SLC8A2: variants seen among roughly 807,000 people sequenced by gnomAD.
SLC8A2 encodes the protein sodium/calcium exchanger 2.
A neutral mutation model predicts 70.2 loss-of-function variants in SLC8A2; 14 were observed. The ratio of observed to expected loss-of-function variants is 0.20; its 90% confidence interval spans 0.13 to 0.31. SLC8A2 has a LOEUF of 0.31. Ranked by LOEUF, SLC8A2 falls within the 10% of genes least tolerant of loss-of-function variation. The pLI is 1.00. For missense variants in SLC8A2, 779 were observed against 1,320.1 expected, an observed-to-expected ratio of 0.59 and a Z score of 6.35; for synonymous variants, 575 against 594.3, an observed-to-expected ratio of 0.97 and a Z score of 0.47.
rs1009658654 is a variant in SLC8A2 at position 47,447,418 on chromosome 19, G to C, written c.1763+391C>G. Reference sequence around the variant, plus strand: ...CTCACCTCGTCCCCCCTTCCTCCTTGGGGCCCTCTTCTCACCTGTCCGGCC... The same window carrying C: ...CTCACCTCGTCCCCCCTTCCTCCTTCGGGCCCTCTTCTCACCTGTCCGGCC... On this transcript the variant is annotated intron_variant, in intron 4 of 9. Transcript: ENST00000236877. This position sits in a 1 kb window ranked among gnomAD's most constrained non-coding sequence, Gnocchi z 5.1. 7.9e-6 allele frequency: 2 copies of C among 252,682 alleles called. No homozygotes were observed. The highest frequency in any genetic ancestry group is 1.1e-4 in the Admixed American group (2 of 18,156). The allele number at this position is 252,682 out of a possible 1,614,324, so 15.7% of individuals were successfully genotyped here.
At chr19:47,445,994 G>A (rs1967156933) in intron 4 of SLC8A2, among the ~76,000 whole-genome samples, 1 of 152,182 alleles carries the variant, frequency 6.6e-6, no homozygotes, top group South Asian at 2.1e-4. Context: ...CGAGGTGCTG[G>A]GGACAGACAG....
In SLC8A2 at chr19:47,457,133, C is replaced by A. The variant is rs771358832; in HGVS notation, c.1137G>T (p.Ala379=). ...RRHAADASRR[A]APAEGAGEDE... ...CCTCGCCCGCGCCCTCGGCCGGCGC[C>A]GCCCTGCGCGAGGCGTCCGCCGCGT... Residue 379 remains alanine (A), a synonymous_variant, in exon 3 of 10, where the codon GCG becomes GCT. Transcript: ENST00000236877. 5 of 1,543,260 alleles carry A rather than the reference C, an allele frequency of 3.2e-6. No individual in the cohort carries two copies. In the African/African-American group the frequency reaches 5.5e-5, roughly 17 times the overall value.
intron 3 of SLC8A2, among the ~76,000 whole-genome samples, chr19:47,450,575 A>G (rs1157553881): frequency 6.6e-6 from 1 of 152,116 alleles, no homozygotes; most frequent in Non-Finnish European, 1.5e-5. Context: ...TGTGGGAGGA[A>G]GAGAGGGACC....
rs140353412 is a variant in SLC8A2 at position 47,453,617 on chromosome 19, C to G, written c.1340+3313G>C. On this transcript the variant is annotated intron_variant, in intron 3 of 9. Coordinates refer to ENST00000236877, the MANE Select transcript of SLC8A2 (RefSeq NM_015063.3). ...CTCCTTCACTTCAAACATCTTGGTC[C>G]TGGCCAGGTGCAGTGGCTCACACCT... is the stretch of plus-strand genomic sequence containing the variant. 6.0e-3 allele frequency among the ~76,000 whole-genome samples: 909 copies of G among 152,268 alleles called. 12 individuals carry two copies. Among genetic ancestry groups the G allele is most frequent in the African/African-American group, 0.021 (866 of 41,542 alleles).
At chr19:47,469,423 G>A (rs952137492) in intron 1 of SLC8A2, among the ~76,000 whole-genome samples, 9 of 152,080 alleles carry the variant, frequency 5.9e-5, no homozygotes, top group Admixed American at 2.6e-4. Context: ...AGGAAGCCTC[G>A]GCCTGGGAAG....
At position 47,447,885 on chromosome 19, in the gene SLC8A2, C is replaced by T. The variant is rs561832763; in HGVS notation, c.1687G>A (p.Asp563Asn). The change falls in exon 4 of 10, where the codon GAC (aspartate) becomes AAC (asparagine). Residue 563 changes from aspartate to asparagine, a missense_variant. This residue lies in a region of SLC8A2 where 247 missense variants were observed against 362.8 expected (regional missense o/e 0.68). Transcript: ENST00000236877. This position sits in a 1 kb window ranked among gnomAD's most constrained non-coding sequence, Gnocchi z 5.1. ...GTVRLPYRTV[D>N]GTARGGGVHY... ...ACGCCGCCGCCGCGCGCCGTGCCGT[C>T]CACCGTGCGGTAGGGAAGGCGCACG... 6.3e-7 allele frequency: 1 copy of T among 1,592,456 alleles called. No homozygotes were observed. The highest frequency in any genetic ancestry group is 2.3e-5 in the East Asian group (1 of 43,188).
chr19:47,441,389 A>G lies in SLC8A2; in HGVS notation c.1815T>C (p.Asp605=). Residue 605 remains aspartate (D), a synonymous_variant, in exon 5 of 10, where the codon GAT becomes GAC. Coordinates refer to ENST00000236877, the MANE Select transcript of SLC8A2 (RefSeq NM_015063.3). ...GCTGGCCCAGCTCAATGAAGAAATT[A>G]TCCTTTTTCTCATATTCCTCGTCAT... ...IVDDEEYEKK[D]NFFIELGQPQ... is the part of the protein sequence containing the mutation. 1 of 1,613,902 alleles carries G rather than the reference A, an allele frequency of 6.2e-7. No homozygotes were observed. Among genetic ancestry groups the G allele is most frequent in the Non-Finnish European group, 8.5e-7 (1 of 1,179,852 alleles).
intron 1 of SLC8A2, among the ~76,000 whole-genome samples, chr19:47,471,503 AG>A (rs1162531145): frequency 7.1e-5 from 3 of 42,066 alleles, no homozygotes; most frequent in East Asian, 5.8e-4. Flanking sequence ...AGAGAGCGCG[AG>A]GGGGGGTGCC....
intron 3 of SLC8A2, among the ~76,000 whole-genome samples, chr19:47,452,397 GGAGAGAGAGAGAGAGAGA>G (rs56184564): frequency 0.033 from 2,146 of 65,410 alleles, 61 homozygotes; most frequent in East Asian, 0.068. Flanking sequence ...ATATATATAT[GGAGAGAGAGAGAGAGAGA>G]GAGAGAGAGA....
intron 6 of SLC8A2, among the ~76,000 whole-genome samples, chr19:47,438,912 G>A (rs1278302397): frequency 6.6e-6 from 1 of 152,098 alleles, no homozygotes; most frequent in South Asian, 2.1e-4. Context: ...TTGACCACAC[G>A]GCAGAAGCTG....
chr19:47,439,383 T>G (rs984313045), intron 6 of SLC8A2, among the ~76,000 whole-genome samples: 1 of 151,752 alleles, frequency 6.6e-6, no homozygotes, highest in African/African-American at 2.4e-5. Context: ...ACAAAAAAAA[T>G]TAGCTAGGTG....
rs776774854 is a variant in SLC8A2 at position 47,457,032 on chromosome 19, A to G, written c.1238T>C (p.Leu413Pro). ...GCCGCCCTGGCACGTGACGGACAGC[A>G]GCACGGAGCCGCAGTTCTCCAGGCA... ...YHCLENCGSV[L>P]LSVTCQGGEG... Residue 413 changes from leucine (L) to proline (P), a missense_variant, in exon 3 of 10, where the codon CTG (leucine) becomes CCG (proline). By Grantham distance (98) the Leu-to-Pro change is moderately conservative. Coordinates refer to ENST00000236877, the MANE Select transcript of SLC8A2 (RefSeq NM_015063.3). 4.7e-5 allele frequency: 75 copies of G among 1,610,672 alleles called. No homozygotes were observed. The highest frequency in any genetic ancestry group is 5.7e-5 in the Non-Finnish European group (67 of 1,178,750).
chr19:47,438,335 A>C (rs1967057517), intron 6 of SLC8A2, among the ~76,000 whole-genome samples: 4 of 152,274 alleles, frequency 2.6e-5, no homozygotes, highest in East Asian at 1.9e-4. Flanking sequence ...ATTCGTGTGA[A>C]GTGCTTAGAA....
At chr19:47,464,169 T>C (rs1967430155) in intron 2 of SLC8A2, among the ~76,000 whole-genome samples, 1 of 152,166 alleles carries the variant, frequency 6.6e-6, no homozygotes, top group Admixed American at 6.5e-5. Flanking sequence ...TGGAGTGCAG[T>C]GGGGCCACCT....
intron 8 of SLC8A2, among the ~76,000 whole-genome samples, chr19:47,435,104 G>A (rs1467015263): frequency 6.6e-6 from 1 of 151,946 alleles, no homozygotes. Flanking sequence ...AGCTACTCAG[G>A]AGGCTGAGTC....
In SLC8A2 at chr19:47,466,069, G is replaced by A; in HGVS notation, c.335C>T (p.Ala112Val). The A allele has an allele frequency of 5.0e-6, 8 of 1,614,182 alleles. No homozygotes were observed. Among genetic ancestry groups the A allele is most frequent in the Non-Finnish European group, 6.8e-6 (8 of 1,180,016 alleles). Residue 112 changes from alanine to valine, a missense_variant, in exon 2 of 10, where the codon GCC becomes GTC. Ala to Val is a moderately conservative substitution (Grantham distance 64). Around this residue, in one of 6 missense-constraint regions of SLC8A2, gnomAD observed 155 missense variants for 318.6 expected, o/e 0.49. Coordinates refer to ENST00000236877, the MANE Select transcript of SLC8A2 (RefSeq NM_015063.3). The surrounding 1 kb of genome is among the most constrained non-coding windows in gnomAD (Gnocchi z 6.9). ...GGTGCCCACGCTGGTCTCACCGTTG[G>A]CCTTGGTGATGGTGATCTCCTTCTC... ...SKEKEITITK[A>V]NGETSVGTVR...
intron 1 of SLC8A2, among the ~76,000 whole-genome samples, chr19:47,469,052 G>T (rs1424961386): frequency 6.6e-6 from 1 of 152,092 alleles, no homozygotes; most frequent in Non-Finnish European, 1.5e-5. Flanking sequence ...CTCCTCTGGG[G>T]GAGGGAGGCA....
intron 3 of SLC8A2, 55 bp downstream of exon 3, chr19:47,456,875 C>T: frequency 6.7e-7 from 1 of 1,496,794 alleles, no homozygotes; most frequent in Non-Finnish European, 8.9e-7. Flanking sequence ...CGCCGGACGG[C>T]GGGACCCACG....
intron 2 of SLC8A2, among the ~76,000 whole-genome samples, 177 bp from the exon 3 acceptor site, chr19:47,457,771 CTTTCT>C: frequency 6.9e-6 from 1 of 143,934 alleles, no homozygotes; most frequent in Non-Finnish European, 1.5e-5. Context: ...TCTTTCCTTT[CTTTCT>C]TTTTCTTTTC....
Sources: gnomAD v4.1 joint callset for allele counts (sites outside exome capture counted in the v4.1 genomes callset) on GRCh38, gnomAD v4.1.1 for gene constraint, gnomAD v4.1.1 regional missense constraint, Gnocchi (gnomAD v3.1) non-coding constraint, MANE v1.5 for transcripts, NCBI Gene and HGNC (gene_info 2026-07-23, HGNC 2026-07-21) for gene names.